The following FER1L6 variants were observed in gnomAD, a reference collection of about 807,000 sequenced individuals.
FER1L6 encodes the protein fer-1 like family member 6.
In FER1L6, 177 loss-of-function variants were observed where a neutral mutation model predicts 219.2. That is an observed-to-expected ratio of 0.81 (90% CI 0.71 to 0.91). The LOEUF (loss-of-function observed/expected upper bound fraction) is 0.91. FER1L6 is among the 40% of genes least tolerant of loss of function. The probability of loss-of-function intolerance (pLI) is 0.00; values close to 1 mark genes in which losing one functional copy is unlikely to be tolerated. For synonymous variants in FER1L6, 768 were observed against 824.3 expected (o/e 0.93, Z 1.17); for missense variants, 2,153 against 2,259.9 (o/e 0.95, Z 0.96).
chr8:124,083,984 T>C (rs1433392942), intron 33 of FER1L6, among the ~76,000 whole-genome samples: 1 of 152,232 alleles, frequency 6.6e-6, no homozygotes, highest in African/African-American at 2.4e-5. Flanking sequence ...AGAGATCTTT[T>C]CTCTCTTGAA....
intron 1 of FER1L6, among the ~76,000 whole-genome samples, chr8:123,888,408 T>C (rs67648121): frequency 0.24 from 35,814 of 152,068 alleles, 4,547 homozygotes; most frequent in East Asian, 0.44. Context: ...TGAGCCACCA[T>C]GCCCGGCCTG....
At chr8:124,105,792 T>C (rs1822746144) in intron 39 of FER1L6, among the ~76,000 whole-genome samples, 2 of 152,296 alleles carry the variant, frequency 1.3e-5, no homozygotes, top group South Asian at 4.1e-4. Context: ...AAATGTAGTA[T>C]ATCCATACAG....
intron 20 of FER1L6, among the ~76,000 whole-genome samples, chr8:124,041,030 T>A (rs1308248403): frequency 6.6e-6 from 1 of 152,246 alleles, no homozygotes; most frequent in Non-Finnish European, 1.5e-5. Flanking sequence ...GGATTCCTAA[T>A]CAGCAAAAAT....
chr8:123,967,525 A>G (rs989077859), intron 5 of FER1L6, among the ~76,000 whole-genome samples: 1 of 152,228 alleles, frequency 6.6e-6, no homozygotes. Flanking sequence ...AGGTATATGC[A>G]TTTAAAATTT....
intron 2 of FER1L6, among the ~76,000 whole-genome samples, chr8:123,956,336 T>C (rs1331454993): frequency 6.6e-6 from 1 of 152,230 alleles, no homozygotes; most frequent in Non-Finnish European, 1.5e-5. Context: ...CTGTTTCTGT[T>C]CTTATTTGTC....
intron 1 of FER1L6, among the ~76,000 whole-genome samples, chr8:123,951,716 T>A (rs1013536612): frequency 6.6e-6 from 1 of 152,236 alleles, no homozygotes; most frequent in Non-Finnish European, 1.5e-5. Context: ...TATATAAATA[T>A]AATTTTTAAA....
intron 1 of FER1L6, among the ~76,000 whole-genome samples, chr8:123,858,115 A>G (rs188977592): frequency 6.6e-6 from 1 of 151,682 alleles, no homozygotes; most frequent in Admixed American, 6.6e-5. Context: ...TTCTCTGGCG[A>G]CTCCCTCCTC....
In FER1L6 at chr8:124,097,788, C is replaced by T. The variant is rs779470902; in HGVS notation, c.4788C>T (p.Tyr1596=). 5.8e-6 allele frequency: 9 copies of T among 1,561,590 alleles called. No homozygotes were observed. Among genetic ancestry groups the T allele is most frequent in the South Asian group, 3.3e-5 (3 of 90,046 alleles). Reference sequence around the variant, plus strand: ...ATGCTTCCTTCTCCCATCCCAGATACGAATTGAGAGTGACCATCTGGAACA... The same window carrying T: ...ATGCTTCCTTCTCCCATCCCAGATATGAATTGAGAGTGACCATCTGGAACA... ...VDISPRRPKG[Y]ELRVTIWNTE... is the part of the protein sequence containing the mutation. The change falls in exon 37 of 41, where the codon TAC becomes TAT. Residue 1596 remains tyrosine, a synonymous_variant. Transcript: ENST00000522917.
chr8:123,990,633 T>C (rs1377575871), intron 12 of FER1L6, among the ~76,000 whole-genome samples: 5 of 152,362 alleles, frequency 3.3e-5, no homozygotes, highest in East Asian at 1.9e-4. Context: ...CTTTGTTGGA[T>C]GCATAGTTTG....
intron 13 of FER1L6, among the ~76,000 whole-genome samples, chr8:124,005,668 G>A (rs1203380898): frequency 6.6e-6 from 1 of 152,236 alleles, no homozygotes; most frequent in Non-Finnish European, 1.5e-5. Flanking sequence ...TCTGTGACCA[G>A]TGAATGGCAG....
In FER1L6 at chr8:124,086,104, G is replaced by GT. The variant is rs1279454614; in HGVS notation, c.4391+3647dup. Among the ~76,000 whole-genome samples the GT allele has an allele frequency of 9.9e-5, 15 of 151,946 alleles. No homozygotes were observed. In the East Asian group the frequency reaches 2.9e-3, roughly 29 times the overall value. ...TTTTAGTCTATGTGTATCTTTATAGGTAAAGTATGTTTTTTTGTAGGCAAC... is the reference window on the plus strand; with the variant it reads ...TTTTAGTCTATGTGTATCTTTATAGGTTAAAGTATGTTTTTTTGTAGGCAAC... On this transcript the variant is annotated intron_variant, in intron 33 of 40. Transcript: ENST00000522917.
At chr8:123,935,459 G>A (rs953932019) in intron 1 of FER1L6, among the ~76,000 whole-genome samples, 6 of 152,156 alleles carry the variant, frequency 3.9e-5, no homozygotes, top group African/African-American at 7.2e-5. Flanking sequence ...ACAAAAATAC[G>A]AATGAGAATC....
intron 39 of FER1L6, among the ~76,000 whole-genome samples, chr8:124,114,941 T>C (rs1274982762): frequency 7.5e-6 from 1 of 133,044 alleles, no homozygotes; most frequent in Non-Finnish European, 1.6e-5. Context: ...ATATTCCTTT[T>C]CCTAAAAGAT....
Position 123,973,393 on chromosome 8 carries a change from C to T in FER1L6, c.448-41C>T, listed in dbSNP as rs1483152924. ...GACAAGGGTCAAGGCCTCTTATCCTCAAGGTAAATCTGCCATACTCCCTGC... is the reference window on the plus strand; with the variant it reads ...GACAAGGGTCAAGGCCTCTTATCCTTAAGGTAAATCTGCCATACTCCCTGC... On this transcript the variant is annotated intron_variant, in intron 6 of 40. Transcript: ENST00000522917. The T allele has an allele frequency of 4.0e-6, 6 of 1,518,814 alleles. No individual in the cohort carries two copies. The South Asian group carries it at 6.7e-5, about 17-fold the overall frequency. The allele number at this position is 1,518,814 out of a possible 1,614,324, so 94.1% of individuals were successfully genotyped here. A position where few individuals can be genotyped will look rare whatever the true frequency, so the allele number is the denominator to read the frequency against.
intron 14 of FER1L6, among the ~76,000 whole-genome samples, chr8:124,012,002 C>T (rs1817956731): frequency 6.6e-6 from 1 of 152,132 alleles, no homozygotes; most frequent in African/African-American, 2.4e-5. Flanking sequence ...ATTTTCCCAC[C>T]TAAGCCCAAG....
At chr8:124,075,851 C>T (rs1440318232) in intron 31 of FER1L6, among the ~76,000 whole-genome samples, 1 of 152,216 alleles carries the variant, frequency 6.6e-6, no homozygotes, top group Non-Finnish European at 1.5e-5. Context: ...AGAACTAGAA[C>T]TCAAACTCAT....
At chr8:123,883,869 C>T (rs768872130) in intron 1 of FER1L6, among the ~76,000 whole-genome samples, 17 of 152,204 alleles carry the variant, frequency 1.1e-4, no homozygotes, top group Non-Finnish European at 1.8e-4. Context: ...ATGACTTCAT[C>T]GCCTTTTAAA....
At chr8:123,909,385 A>G (rs924538196) in intron 1 of FER1L6, among the ~76,000 whole-genome samples, 2 of 152,290 alleles carry the variant, frequency 1.3e-5, no homozygotes, top group Admixed American at 1.3e-4. Context: ...GCGTGGGATC[A>G]TGGAGATGAC....
chr8:124,039,493 A>T (rs1451139307), intron 19 of FER1L6, among the ~76,000 whole-genome samples: 1 of 152,180 alleles, frequency 6.6e-6, no homozygotes, highest in Non-Finnish European at 1.5e-5. Flanking sequence ...TTAGAAAGAG[A>T]AGAGGATTTT....
Sources: allele counts gnomAD v4.1 joint callset (sites outside exome capture counted in the v4.1 genomes callset), GRCh38; gene constraint gnomAD v4.1.1; transcripts MANE v1.5; gene names NCBI Gene and HGNC (gene_info 2026-07-23, HGNC 2026-07-21).